The following EPS8 variants were observed in gnomAD, a reference collection of about 807,000 sequenced individuals.
EPS8 encodes the protein EGFR pathway substrate 8, signaling adaptor, also known as epidermal growth factor receptor kinase substrate 8.
A neutral mutation model predicts 103.8 loss-of-function variants in EPS8; 42 were observed. That is an observed-to-expected ratio of 0.40 (90% CI 0.32 to 0.52). The LOEUF (loss-of-function observed/expected upper bound fraction) is 0.52, where lower values mean the gene tolerates loss of function less well. Among genes scored for constraint, EPS8 ranks in the 20% least tolerant of loss-of-function variants. The pLI is 0.40. For synonymous variants in EPS8, 344 were observed against 344.6 expected (o/e 1.00, Z 0.02); for missense variants, 969 against 1,005.1 (o/e 0.96, Z 0.49).
rs1002527881 is a variant in EPS8 at position 15,716,192 on chromosome 12, C to T, written c.-21-33220G>A. On this transcript the variant is annotated intron_variant, in intron 1 of 20. Transcript: ENST00000281172. This position sits in a 1 kb window ranked among gnomAD's most constrained non-coding sequence, Gnocchi z 5.0. ...TAAGATACTGTCTCTTAAAAATGGT[C>T]CATAGGTCTGCCAAATGCCAAAAAA... Among the ~76,000 whole-genome samples the T allele has an allele frequency of 3.3e-5, 5 of 152,046 alleles. No individual in the cohort carries two copies. The highest frequency in any genetic ancestry group is 2.0e-4 in the Admixed American group (3 of 15,250).
chr12:15,740,821 G>A (rs1383821514), intron 1 of EPS8, among the ~76,000 whole-genome samples: 1 of 152,172 alleles, frequency 6.6e-6, no homozygotes, highest in African/African-American at 2.4e-5. Context: ...ATACCTCCCT[G>A]TAGCGAAATT....
chr12:15,646,806 T>G (rs1945326850), intron 15 of EPS8, among the ~76,000 whole-genome samples: 1 of 152,224 alleles, frequency 6.6e-6, no homozygotes, highest in East Asian at 1.9e-4. Flanking sequence ...GGAAGGATCC[T>G]CAGAGACCAT....
At chr12:15,782,897 C>T (rs1565542419) in intron 1 of EPS8, among the ~76,000 whole-genome samples, 1 of 152,172 alleles carries the variant, frequency 6.6e-6, no homozygotes, top group Non-Finnish European at 1.5e-5. Flanking sequence ...ATCATCTCTG[C>T]GTGAGCAGTT....
In EPS8 at chr12:15,735,318, A is replaced by G. The variant is rs1405667863; in HGVS notation, c.-21-52346T>C. 6.6e-6 allele frequency among the ~76,000 whole-genome samples: 1 copy of G among 152,218 alleles called. No homozygotes were observed. The highest frequency in any genetic ancestry group is 1.9e-4 in the East Asian group (1 of 5,196). ...AAACCATAGTTGCTTTTGCTTAAGA[A>G]ATATATTTCATTCTTCCCTATACTT... On this transcript the variant is annotated intron_variant, in intron 1 of 20. Transcript: ENST00000281172. The surrounding 1 kb of genome is among the most constrained non-coding windows in gnomAD (Gnocchi z 4.4).
chr12:15,674,377 T>C (rs570034304), intron 3 of EPS8, among the ~76,000 whole-genome samples: 1 of 152,286 alleles, frequency 6.6e-6, no homozygotes, highest in East Asian at 1.9e-4. Context: ...TCATATTACT[T>C]TATACTTACA....
chr12:15,739,952 T>C (rs573480971), intron 1 of EPS8, among the ~76,000 whole-genome samples: 130 of 152,248 alleles, frequency 8.5e-4, no homozygotes, highest in African/African-American at 2.9e-3. Flanking sequence ...TTTGTTTCCT[T>C]GTGGGAGTCT....
intron 2 of EPS8, 49 bp downstream of exon 2, chr12:15,682,844 C>T (rs549856449): frequency 2.0e-6 from 2 of 998,074 alleles, no homozygotes; most frequent in Non-Finnish European, 3.1e-6. Flanking sequence ...ATTAAAATCA[C>T]CAAATCAAAT....
At chr12:15,766,361 T>C (rs532783671) in intron 1 of EPS8, among the ~76,000 whole-genome samples, 17 of 151,496 alleles carry the variant, frequency 1.1e-4, no homozygotes, top group African/African-American at 3.9e-4. Context: ...GGCCTGGTGG[T>C]GGGCACCTGT....
chr12:15,640,734 C>T lies in EPS8; in HGVS notation c.1790G>A (p.Arg597His), dbSNP rs781619305. The change falls in exon 17 of 21, where the codon CGT (arginine) becomes CAT (histidine). Residue 597 changes from arginine (R) to histidine (H), a missense_variant. Coordinates refer to ENST00000281172, the MANE Select transcript of EPS8 (RefSeq NM_004447.6). ...IVRPPESGLG[R>H]ADPPYTHTIQ... is the part of the protein sequence containing the mutation. ...AGTATGAGTATAAGGTGGATCAGCA[C>T]GCCCCAATCCAGATTCTGGAGGTCT... 24 of 1,613,830 alleles carry T rather than the reference C, an allele frequency of 1.5e-5. No individual in the cohort carries two copies. Among genetic ancestry groups the T allele is most frequent in the Admixed American group, 5.0e-5 (3 of 60,000 alleles).
chr12:15,671,318 T>C (rs1208250643), intron 3 of EPS8, among the ~76,000 whole-genome samples: 1 of 152,138 alleles, frequency 6.6e-6, no homozygotes, highest in Admixed American at 6.6e-5. Context: ...GCAAATATTG[T>C]CATAGATACT....
At chr12:15,675,686 A>G (rs1945891964) in intron 3 of EPS8, among the ~76,000 whole-genome samples, 1 of 151,636 alleles carries the variant, frequency 6.6e-6, no homozygotes, top group African/African-American at 2.4e-5. Flanking sequence ...TAAAATCTCA[A>G]AGTTAACTGT....
chr12:15,684,067 G>A lies in EPS8; in HGVS notation c.-21-1095C>T, dbSNP rs1475288265. ...CAACTATAGGGCCAACAGTCTAGTG[G>A]GGGGAAACAGATAATGAATAAGTGT... On this transcript the variant is annotated intron_variant, in intron 1 of 20. Transcript: ENST00000281172. This position sits in a 1 kb window ranked among gnomAD's most constrained non-coding sequence, Gnocchi z 4.9. 4 of 152,090 alleles carry A rather than the reference G, an allele frequency of 2.6e-5. No homozygotes were observed. Among genetic ancestry groups the A allele is most frequent in the Non-Finnish European group, 5.9e-5 (4 of 68,002 alleles). 9.4% of individuals were successfully genotyped at this position (152,090 alleles called of 1,614,324 possible). A position where few individuals can be genotyped will look rare whatever the true frequency, so the allele number is the denominator to read the frequency against.
chr12:15,663,953 A>AAT lies in EPS8; in HGVS notation c.736+1802_736+1803insAT, dbSNP rs1565487324. The stretch of plus-strand genomic sequence containing the variant: ...AAAAAAAAAAAAAAAAAAATAATAT[A>AAT]TATATATATATATATATATATATAC... On this transcript the variant is annotated intron_variant, in intron 8 of 20. Coordinates refer to ENST00000281172, the MANE Select transcript of EPS8 (RefSeq NM_004447.6). Among the ~76,000 whole-genome samples the AAT allele has an allele frequency of 2.8e-3, 77 of 27,344 alleles. 1 individual carries two copies. Among genetic ancestry groups the AAT allele is most frequent in the African/African-American group, 0.016 (64 of 3,900 alleles). The allele number at this position is 27,344 out of a possible 152,430, so 17.9% of individuals were successfully genotyped here.
At chr12:15,631,851 T>G in intron 17 of EPS8, 187 bp from the exon 18 acceptor site, 1 of 520,872 alleles carries the variant, frequency 1.9e-6, no homozygotes, top group Non-Finnish European at 3.3e-6. Flanking sequence ...TCTACATAAT[T>G]TGTTCAAAGT....
intron 1 of EPS8, among the ~76,000 whole-genome samples, chr12:15,743,428 G>A (rs1429643749): frequency 6.6e-6 from 1 of 152,098 alleles, no homozygotes; most frequent in Non-Finnish European, 1.5e-5. Context: ...AGTTCATATG[G>A]AACCAGTAAA....
chr12:15,750,683 C>T lies in EPS8; in HGVS notation c.-22+38478G>A, dbSNP rs538814946. Among the ~76,000 whole-genome samples, 68 of 152,272 alleles carry T rather than the reference C, an allele frequency of 4.5e-4. 1 individual carries two copies. Among genetic ancestry groups the T allele is most frequent in the African/African-American group, 1.6e-3 (66 of 41,548 alleles). The stretch of plus-strand genomic sequence containing the variant: ...CCAGTGAGAATGAAAACAGTGGATG[C>T]TTTTCATCACTTTGCTGAGTACTTG... On this transcript the variant is annotated intron_variant, in intron 1 of 20. Transcript: ENST00000281172.
Position 15,696,809 on chromosome 12 carries a change from G to C in EPS8, c.-21-13837C>G, listed in dbSNP as rs112234187. Among the ~76,000 whole-genome samples, 1,597 of 151,964 alleles carry C rather than the reference G, an allele frequency of 0.011. 37 individuals carry two copies. Among genetic ancestry groups the C allele is most frequent in the African/African-American group, 0.037 (1,532 of 41,436 alleles). ...TGCCAGGAATTACATTCCTAAACTC[G>C]GGCATGTGGAATTAAAACCAAGCAG... is the stretch of plus-strand genomic sequence containing the variant. On this transcript the variant is annotated intron_variant, in intron 1 of 20. Transcript: ENST00000281172. The surrounding 1 kb of genome is among the most constrained non-coding windows in gnomAD (Gnocchi z 4.8).
At chr12:15,660,356 T>C (rs963092956) in intron 10 of EPS8, among the ~76,000 whole-genome samples, 5 of 151,738 alleles carry the variant, frequency 3.3e-5, no homozygotes, top group Non-Finnish European at 7.4e-5. Flanking sequence ...CTCCGCCTGC[T>C]AGGTTCAAGC....
intron 17 of EPS8, among the ~76,000 whole-genome samples, chr12:15,635,898 G>T (rs1024409181): frequency 5.9e-5 from 9 of 152,096 alleles, no homozygotes; most frequent in Non-Finnish European, 1.3e-4. Context: ...TGACCACAGA[G>T]ACTGGACATT....
Sources: gnomAD v4.1 joint callset for allele counts (sites outside exome capture counted in the v4.1 genomes callset) on GRCh38, gnomAD v4.1.1 for gene constraint, Gnocchi (gnomAD v3.1) non-coding constraint, MANE v1.5 for transcripts, NCBI Gene and HGNC (gene_info 2026-07-23, HGNC 2026-07-21) for gene names.